The following AMDHD2 variants were observed in gnomAD, a reference collection of about 807,000 sequenced individuals.
AMDHD2 encodes the protein N-acetylglucosamine-6-phosphate deacetylase.
Under a neutral mutation model 41.8 loss-of-function variants are expected in AMDHD2, and 24 were observed. The ratio of observed to expected loss-of-function variants is 0.57; its 90% CI spans 0.42 to 0.81. The LOEUF (loss-of-function observed/expected upper bound fraction) is 0.81. AMDHD2 is among the 30% of genes least tolerant of loss of function. The pLI, the probability that AMDHD2 is intolerant of heterozygous loss-of-function variation, is 0.00. For missense variants in AMDHD2, 540 were observed against 588.5 expected (o/e 0.92, Z 0.85); for synonymous variants, 332 against 255.5 (o/e 1.30, Z -2.85).
intron 3 of AMDHD2, among the ~76,000 whole-genome samples, chr16:2,526,284 C>T (rs1382006086): frequency 6.6e-6 from 1 of 152,136 alleles, no homozygotes. Context: ...CTTGGGCTGG[C>T]TGGGTTCCCT....
chr16:2,525,522 A>G (rs2065992861), intron 3 of AMDHD2, among the ~76,000 whole-genome samples: 4 of 151,772 alleles, frequency 2.6e-5, no homozygotes, highest in Admixed American at 6.6e-5. Flanking sequence ...GTGTGCCACT[A>G]TGCCTGGCTA....
In AMDHD2 at chr16:2,530,905, A is replaced by G; in HGVS notation, c.*1342A>G. 6.2e-7 allele frequency: 1 copy of G among 1,613,314 alleles called. No individual in the cohort carries two copies. Among genetic ancestry groups the G allele is most frequent in the Admixed American group, 1.7e-5 (1 of 60,010 alleles). On this transcript the variant is annotated 3_prime_UTR_variant, in exon 11 of 11. Coordinates refer to ENST00000293971, the MANE Select transcript of AMDHD2 (RefSeq NM_001330449.2). ...CCCACCTCTGCCTTGACGGCCGCGC[A>G]CCCCTTAGGAAGTGGCTGTCCAGCG...
rs1194894643 is a variant in AMDHD2, at chr16:2,528,775, G to C, written c.1039+57G>C. The C allele has an allele frequency of 1.9e-6, 3 of 1,596,062 alleles. No homozygotes were observed. The East Asian group carries it at 6.7e-5, about 36-fold the overall frequency. On this transcript the variant is annotated intron_variant, in intron 9 of 10. Coordinates refer to ENST00000293971, the MANE Select transcript of AMDHD2 (RefSeq NM_001330449.2). ...GGTCTGTGAGTGGTGGGTCCCCAAGGGGCTGGACCGGGTGCCCGGACTGTA... is the reference window on the plus strand; with the variant it reads ...GGTCTGTGAGTGGTGGGTCCCCAAGCGGCTGGACCGGGTGCCCGGACTGTA...
In AMDHD2 at chr16:2,530,458, C is replaced by T; in HGVS notation, c.*895C>T. ...GGGTGGGCTTCTGGAGCCCTCTTGG[C>T]TCTGAGGACAGCCACAGTGGGGTCA... On this transcript the variant is annotated 3_prime_UTR_variant, in exon 11 of 11. Transcript: ENST00000293971. The T allele has an allele frequency of 2.5e-6, 4 of 1,614,148 alleles. No individual in the cohort carries two copies. The highest frequency in any genetic ancestry group is 3.4e-6 in the Non-Finnish European group (4 of 1,180,022).
intron 3 of AMDHD2, among the ~76,000 whole-genome samples, chr16:2,522,793 C>T (rs539795839): frequency 4.0e-5 from 6 of 151,782 alleles, no homozygotes; most frequent in Non-Finnish European, 5.9e-5. Flanking sequence ...GGATTATAGG[C>T]GAGAGCCACT....
rs1296278459 is a variant in AMDHD2 at position 2,527,962 on chromosome 16, C to T, written c.605C>T (p.Ala202Val). The T allele has an allele frequency of 2.5e-6, 4 of 1,603,312 alleles. No homozygotes were observed. Among genetic ancestry groups the T allele is most frequent in the South Asian group, 1.1e-5 (1 of 91,008 alleles). Residue 202 changes from alanine (A) to valine (V), a missense_variant, in exon 5 of 11, where the codon GCC becomes GTC. Physicochemically the swap from Ala to Val is moderately conservative, Grantham distance 64. Coordinates refer to ENST00000293971, the MANE Select transcript of AMDHD2 (RefSeq NM_001330449.2). The surrounding 1 kb of genome is among the most constrained non-coding windows in gnomAD (Gnocchi z 6.1). Reference sequence around the variant, plus strand: ...CACGAAGTGATCCGGGCGCTGACGGCCCGTGGCATCTGCGTGTCCCTAGGT... The same window carrying T: ...CACGAAGTGATCCGGGCGCTGACGGTCCGTGGCATCTGCGTGTCCCTAGGT... ...RSHEVIRALT[A>V]RGICVSLGHS... is the part of the protein sequence containing the mutation.
In AMDHD2 at chr16:2,527,162, G is replaced by A. The variant is rs1038357082; in HGVS notation, c.361-399G>A. 11 of 247,118 alleles carry A rather than the reference G, an allele frequency of 4.5e-5. No homozygotes were observed. The highest frequency in any genetic ancestry group is 2.3e-4 in the Admixed American group (4 of 17,712). The allele number at this position is 247,118 out of a possible 1,614,324, so 15.3% of individuals were successfully genotyped here. On this transcript the variant is annotated intron_variant, in intron 3 of 10. Transcript: ENST00000293971. The surrounding 1 kb of genome is among the most constrained non-coding windows in gnomAD (Gnocchi z 6.1). ...TGACACACTCGGTCTTCCTGATGGCGTCCAGCTCCGGCCATGGTGTGGACC... is the reference window on the plus strand; with the variant it reads ...TGACACACTCGGTCTTCCTGATGGCATCCAGCTCCGGCCATGGTGTGGACC...
At position 2,528,705 on chromosome 16, in the gene AMDHD2, C is replaced by T. The variant is rs781177091; in HGVS notation, c.1026C>T (p.Phe342=). The T allele has an allele frequency of 2.5e-6, 4 of 1,612,644 alleles. No individual in the cohort carries two copies. The highest frequency in any genetic ancestry group is 3.4e-6 in the Non-Finnish European group (4 of 1,179,906). The stretch of plus-strand genomic sequence containing the variant: ...CAATGGACGTCTGTGTCCGGCACTT[C>T]CTGCAGGCCACAGGTCAGTGAGCAG... ...IAPMDVCVRH[F]LQATGCSMES... is the part of the protein sequence containing the mutation. The change falls in exon 9 of 11, where the codon TTC becomes TTT. Residue 342 remains phenylalanine (F), a synonymous_variant. Transcript: ENST00000293971.
chr16:2,525,294 GTGAT>G (rs2065989122), intron 3 of AMDHD2, among the ~76,000 whole-genome samples: 1 of 151,646 alleles, frequency 6.6e-6, no homozygotes, highest in African/African-American at 2.4e-5. Flanking sequence ...CTGACCTCAG[GTGAT>G]CCAACTGCCT....
chr16:2,526,534 C>T (rs2066005881), intron 3 of AMDHD2, among the ~76,000 whole-genome samples: 1 of 152,072 alleles, frequency 6.6e-6, no homozygotes, highest in Admixed American at 6.5e-5. Context: ...ACTGCGTGCA[C>T]TCCCCCAGAC....
rs574821948 is a variant in AMDHD2, at chr16:2,523,950, TG to T, written c.360+2830del. 7.5e-4 allele frequency among the ~76,000 whole-genome samples: 115 copies of T among 152,338 alleles called. 1 individual carries two copies. The highest frequency in any genetic ancestry group is 6.8e-3 in the South Asian group (33 of 4,830). On this transcript the variant is annotated intron_variant, in intron 3 of 10. Coordinates refer to ENST00000293971, the MANE Select transcript of AMDHD2 (RefSeq NM_001330449.2). ...TGCGCATCTCTGGCCAGCACAGGCG[TG>T]GGAGGAACTATGGCTCTTCTTCCTT...
Position 2,520,481 on chromosome 16 carries a change from C to CG in AMDHD2, c.28dup (p.Ala10GlyfsTer8). On this transcript the variant is annotated frameshift_variant, in exon 1 of 11. Transcript: ENST00000293971. LOFTEE classifies it high-confidence loss of function. The stretch of plus-strand genomic sequence containing the variant: ...ACGATGCGCGGCGAGCAGGGCGCGG[C>CG]GGGGGCCCGCGTGCTCCAGTTCACT... 1 of 1,226,762 alleles carries CG rather than the reference C, an allele frequency of 8.2e-7. No individual in the cohort carries two copies. Among genetic ancestry groups the CG allele is most frequent in the Non-Finnish European group, 1.0e-6 (1 of 977,710 alleles). 76.0% of individuals were successfully genotyped at this position (1,226,762 alleles called of 1,614,324 possible). A position where few individuals can be genotyped will look rare whatever the true frequency, so the allele number is the denominator to read the frequency against.
Position 2,531,244 on chromosome 16 carries a change from G to C in AMDHD2, c.*1681G>C. On this transcript the variant is annotated 3_prime_UTR_variant, in exon 11 of 11. Transcript: ENST00000293971. The stretch of plus-strand genomic sequence containing the variant: ...GGGGAGGGGCTGGCAGAGATGGTTG[G>C]TCCACAGGGCTAGCCCTGGGTGGTG... 1.2e-6 allele frequency: 1 copy of C among 836,702 alleles called. No homozygotes were observed. Among genetic ancestry groups the C allele is most frequent in the Non-Finnish European group, 1.9e-6 (1 of 540,206 alleles). The allele number at this position is 836,702 out of a possible 1,614,324, so 51.8% of individuals were successfully genotyped here. A position where few individuals can be genotyped will look rare whatever the true frequency, so the allele number is the denominator to read the frequency against.
intron 3 of AMDHD2, among the ~76,000 whole-genome samples, chr16:2,525,451 C>T (rs2065991599): frequency 6.6e-6 from 1 of 151,814 alleles, no homozygotes; most frequent in Non-Finnish European, 1.5e-5. Flanking sequence ...ACTGCAACCT[C>T]TGCCTCCTGG....
At position 2,527,280 on chromosome 16, in the gene AMDHD2, C is replaced by A. The variant is rs1030314460; in HGVS notation, c.361-281C>A. 5.6e-6 allele frequency: 3 copies of A among 534,924 alleles called. No homozygotes were observed. In the African/African-American group the frequency reaches 6.0e-5, roughly 11 times the overall value. 33.1% of individuals were successfully genotyped at this position (534,924 alleles called of 1,614,324 possible). A position where few individuals can be genotyped will look rare whatever the true frequency, so the allele number is the denominator to read the frequency against. On this transcript the variant is annotated intron_variant, in intron 3 of 10. Transcript: ENST00000293971. The surrounding 1 kb of genome is among the most constrained non-coding windows in gnomAD (Gnocchi z 6.1). ...AGCCTCCTGCCTCCCAGCCCTGCTC[C>A]CTGGGCTGCTGTGCCCAGGGCCACC...
chr16:2,526,297 G>GAAGAGTCT (rs1367923273), intron 3 of AMDHD2, among the ~76,000 whole-genome samples: 1 of 152,182 alleles, frequency 6.6e-6, no homozygotes, highest in Admixed American at 6.5e-5. Flanking sequence ...GGTTCCCTGA[G>GAAGAGTCT]AAGAGTCTAG....
At chr16:2,524,931 T>C (rs561582758) in intron 3 of AMDHD2, among the ~76,000 whole-genome samples, 2 of 151,546 alleles carry the variant, frequency 1.3e-5, no homozygotes, top group African/African-American at 2.4e-5. Context: ...TGTGAAGGGA[T>C]GTGTGGCCCA....
Position 2,527,879 on chromosome 16 carries a change from C to A in AMDHD2, c.522C>A (p.Thr174=). 6.3e-7 allele frequency: 1 copy of A among 1,596,660 alleles called. No individual in the cohort carries two copies. The highest frequency in any genetic ancestry group is 2.2e-5 in the East Asian group (1 of 44,802). The change falls in exon 5 of 11, where the codon ACC becomes ACA. Residue 174 remains threonine, a synonymous_variant. Coordinates refer to ENST00000293971, the MANE Select transcript of AMDHD2 (RefSeq NM_001330449.2). The surrounding 1 kb of genome is among the most constrained non-coding windows in gnomAD (Gnocchi z 6.1). ...ATGCCTTCCAGGACTTGCTGGCCAC[C>A]TACGGGCCCCTGGACAATGTCCGCA... ...EADAFQDLLA[T]YGPLDNVRIV...
rs756533719 is a variant in AMDHD2, at chr16:2,520,415, C to T, written c.-44C>T. 697 of 1,219,362 alleles carry T rather than the reference C, an allele frequency of 5.7e-4. 2 individuals carry two copies. Among genetic ancestry groups the T allele is most frequent in the Non-Finnish European group, 6.1e-4 (593 of 976,606 alleles). 75.5% of individuals were successfully genotyped at this position (1,219,362 alleles called of 1,614,324 possible). Reference sequence around the variant, plus strand: ...GTTCGTCACTGGGCGCGGGATTTGGCCGCCGCGGGGCTCCGGAGCCGCTCG... The same window carrying T: ...GTTCGTCACTGGGCGCGGGATTTGGTCGCCGCGGGGCTCCGGAGCCGCTCG... On this transcript the variant is annotated 5_prime_UTR_variant, in exon 1 of 11. Coordinates refer to ENST00000293971, the MANE Select transcript of AMDHD2 (RefSeq NM_001330449.2).
Sources: gnomAD v4.1 joint callset for allele counts (sites outside exome capture counted in the v4.1 genomes callset) on GRCh38, gnomAD v4.1.1 for gene constraint, Gnocchi (gnomAD v3.1) non-coding constraint, MANE v1.5 for transcripts, NCBI Gene and HGNC (gene_info 2026-07-23, HGNC 2026-07-21) for gene names.